LYPLAL1: variants seen among roughly 807,000 people sequenced by gnomAD.
LYPLAL1 encodes lysophospholipase like 1.
A neutral mutation model predicts 19.7 loss-of-function variants in LYPLAL1; 23 were observed. That is an observed-to-expected ratio of 1.17 (90% confidence interval 0.84 to 1.65). The LOEUF is 1.65. Among genes scored for constraint, LYPLAL1 ranks in the 40% most tolerant of loss-of-function variants. The probability of loss-of-function intolerance (pLI) is 0.00; values close to 1 mark genes in which losing one functional copy is unlikely to be tolerated. For missense variants in LYPLAL1, 355 were observed against 279.4 expected, an observed-to-expected ratio of 1.27 and a Z score of -1.93; for synonymous variants, 119 against 96.3, an observed-to-expected ratio of 1.24 and a Z score of -1.38.
chr1:219,192,315 C>T (rs1190946685), intron 2 of LYPLAL1, among the ~76,000 whole-genome samples: 1 of 151,590 alleles, frequency 6.6e-6, no homozygotes, highest in Non-Finnish European at 1.5e-5. Context: ...CAGTATACAG[C>T]TAAATTTGAG....
the LYPLAL1 span, among the ~76,000 whole-genome samples, chr1:219,429,565 G>A: frequency 6.6e-6 from 1 of 152,170 alleles, no homozygotes; most frequent in Non-Finnish European, 1.5e-5. Context: ...GCTGAGGCGA[G>A]AGGAGTGTTT....
chr1:219,419,594 C>CACACACACACACACAGAGAGAGAG, the LYPLAL1 span, among the ~76,000 whole-genome samples: 8 of 99,602 alleles, frequency 8.0e-5, no homozygotes, highest in South Asian at 1.2e-3. Context: ...CACACACACA[C>CACACACACACACACAGAGAGAGAG]AGAGAGAGAG....
chr1:219,349,869 T>C, the LYPLAL1 span, among the ~76,000 whole-genome samples: 1 of 152,230 alleles, frequency 6.6e-6, no homozygotes, highest in African/African-American at 2.4e-5. Flanking sequence ...TTTATCTTGC[T>C]TTAATCTCTA....
At chr1:219,420,765 C>T in the LYPLAL1 span, among the ~76,000 whole-genome samples, 1 of 152,172 alleles carries the variant, frequency 6.6e-6, no homozygotes, top group African/African-American at 2.4e-5. Context: ...ATTAGAACCA[C>T]TTATTTTTTC....
chr1:219,385,869 T>G, the LYPLAL1 span, among the ~76,000 whole-genome samples: 1 of 152,190 alleles, frequency 6.6e-6, no homozygotes, highest in Admixed American at 6.5e-5. Context: ...TTCATCTATT[T>G]TTTTTCTCAG....
At chr1:219,316,259 T>C in the LYPLAL1 span, among the ~76,000 whole-genome samples, 18 of 152,292 alleles carry the variant, frequency 1.2e-4, no homozygotes, top group African/African-American at 4.1e-4. Context: ...GATTGACTTT[T>C]TTAAGTTGAA....
chr1:219,295,630 A>G, the LYPLAL1 span, among the ~76,000 whole-genome samples: 13 of 152,030 alleles, frequency 8.6e-5, no homozygotes, highest in Admixed American at 2.6e-4. Flanking sequence ...CTTCTCTTCA[A>G]CTTCTCTTCA....
the LYPLAL1 span, among the ~76,000 whole-genome samples, chr1:219,327,518 G>A: frequency 3.3e-5 from 5 of 152,092 alleles, no homozygotes; most frequent in South Asian, 1.0e-3. Context: ...GGAACGAGAG[G>A]TAGTGGCAGT....
chr1:219,287,851 G>C, the LYPLAL1 span, among the ~76,000 whole-genome samples: 3 of 152,130 alleles, frequency 2.0e-5, no homozygotes, highest in Admixed American at 1.3e-4. Flanking sequence ...GTTCTCACAA[G>C]ATCTGGTTGT....
chr1:219,274,857 C>T, the LYPLAL1 span, among the ~76,000 whole-genome samples: 4 of 152,104 alleles, frequency 2.6e-5, no homozygotes, highest in African/African-American at 7.2e-5. Context: ...TTTACATGCC[C>T]TCCTCTTATA....
chr1:219,349,220 C>T, the LYPLAL1 span, among the ~76,000 whole-genome samples: 7 of 152,250 alleles, frequency 4.6e-5, no homozygotes, highest in African/African-American at 1.2e-4. Flanking sequence ...TTTTAGTGCT[C>T]TTGAAAGTAT....
At chr1:219,199,971 G>A in intron 3 of LYPLAL1, 1 of 234,304 alleles carries the variant, frequency 4.3e-6, no homozygotes, top group South Asian at 7.8e-5. Flanking sequence ...TCCATCCCCA[G>A]GATATTAGAC....
chr1:219,208,575 A>C (rs796347220), intron 3 of LYPLAL1, among the ~76,000 whole-genome samples: 1 of 152,086 alleles, frequency 6.6e-6, no homozygotes, highest in Non-Finnish European at 1.5e-5. Context: ...CTGAGCGTGT[A>C]AAGTTGAAAC....
the LYPLAL1 span, among the ~76,000 whole-genome samples, chr1:219,349,544 T>C: frequency 6.6e-6 from 1 of 151,916 alleles, no homozygotes; most frequent in Non-Finnish European, 1.5e-5. Flanking sequence ...AAGAAAAGAG[T>C]GTGCGTGCAT....
the LYPLAL1 span, chr1:219,271,104 C>A: frequency 6.6e-6 from 1 of 152,434 alleles, no homozygotes; most frequent in South Asian, 2.1e-4. Context: ...ACCACCACGC[C>A]CAGCTAATTT....
chr1:219,201,884 A>C (rs1043762656), intron 3 of LYPLAL1, among the ~76,000 whole-genome samples: 1 of 152,194 alleles, frequency 6.6e-6, no homozygotes, highest in African/African-American at 2.4e-5. Context: ...TACGTTAGTT[A>C]TTGATTCATA....
the LYPLAL1 span, among the ~76,000 whole-genome samples, chr1:219,432,741 G>A: frequency 6.6e-6 from 1 of 152,200 alleles, no homozygotes; most frequent in African/African-American, 2.4e-5. Flanking sequence ...CACGTTCATA[G>A]TAGAATATTT....
chr1:219,281,664 G>C, the LYPLAL1 span, among the ~76,000 whole-genome samples: 1 of 150,128 alleles, frequency 6.7e-6, no homozygotes, highest in Non-Finnish European at 1.5e-5. Context: ...AAACCAAACA[G>C]GGGAGAAGTC....
chr1:219,182,337 C>A (rs1656357790), intron 2 of LYPLAL1, among the ~76,000 whole-genome samples: 1 of 152,044 alleles, frequency 6.6e-6, no homozygotes, highest in South Asian at 2.1e-4. Flanking sequence ...AACACATTAC[C>A]CTGTTTAGGC....
Sources: allele counts gnomAD v4.1 joint callset (sites outside exome capture counted in the v4.1 genomes callset), GRCh38; gene constraint gnomAD v4.1.1; transcripts MANE v1.5; gene names NCBI Gene and HGNC (gene_info 2026-07-23, HGNC 2026-07-21).